ARPP21: variants seen among roughly 807,000 people sequenced by gnomAD.
ARPP21 encodes cAMP regulated phosphoprotein 21.
A neutral mutation model predicts 113.2 loss-of-function variants in ARPP21; 69 were observed. The observed-to-expected ratio is 0.61, with a 90% CI of 0.50 to 0.74. The LOEUF is 0.74. ARPP21 is among the 30% of genes least tolerant of loss of function. ARPP21 has a pLI of 0.00. For missense variants in ARPP21, 1,070 were observed against 1,037.4 expected (o/e 1.03, Z -0.43); for synonymous variants, 368 against 375.5 (o/e 0.98, Z 0.23).
intron 19 of ARPP21, among the ~76,000 whole-genome samples, chr3:35,772,215 C>T (rs2096228075): frequency 6.6e-6 from 1 of 152,074 alleles, no homozygotes; most frequent in Non-Finnish European, 1.5e-5. Context: ...ATCAGTTATT[C>T]TTGGAAATGA....
chr3:35,653,656 T>C (rs1703478771), intron 1 of ARPP21, among the ~76,000 whole-genome samples: 1 of 152,092 alleles, frequency 6.6e-6, no homozygotes, highest in Admixed American at 6.6e-5. Context: ...CTCTGCCTCT[T>C]ACTCACCTAG....
rs775254826 is a variant in ARPP21 at position 35,739,582 on chromosome 3, G to A, written c.2010+5G>A. 1 of 1,605,174 alleles carries A rather than the reference G, an allele frequency of 6.2e-7. No homozygotes were observed. Among genetic ancestry groups the A allele is most frequent in the Non-Finnish European group, 8.5e-7 (1 of 1,174,668 alleles). On this transcript the variant is annotated splice_donor_5th_base_variant and intron_variant, in intron 18 of 20. Coordinates refer to ENST00000684406, the MANE Select transcript of ARPP21 (RefSeq NM_001385562.1). ...CAACAGCCTCCGCCTGCACAGGTAG[G>A]TGTGCTTCCTCATGCCTGTGACCTA...
In ARPP21 at chr3:35,794,052, C is replaced by A; in HGVS notation, c.*94C>A. The A allele has an allele frequency of 2.9e-6, 3 of 1,038,842 alleles. No homozygotes were observed. Among genetic ancestry groups the A allele is most frequent in the South Asian group, 3.0e-5 (2 of 66,100 alleles). 64.4% of individuals were successfully genotyped at this position (1,038,842 alleles called of 1,614,324 possible). ...AAAACTGGCTGAGGACTTAAGTATT[C>A]ACTCAACACTCAAATGATTGCTGCT... On this transcript the variant is annotated 3_prime_UTR_variant, in exon 21 of 21. Transcript: ENST00000684406.
chr3:35,686,244 G>A (rs1053363549), intron 5 of ARPP21, among the ~76,000 whole-genome samples: 2 of 151,590 alleles, frequency 1.3e-5, no homozygotes, highest in East Asian at 3.9e-4. Flanking sequence ...GCAAGTAGAA[G>A]CAAATCCTAT....
At chr3:35,785,752 A>T (rs2096619238) in intron 19 of ARPP21, among the ~76,000 whole-genome samples, 1 of 152,200 alleles carries the variant, frequency 6.6e-6, no homozygotes, top group Non-Finnish European at 1.5e-5. Context: ...AGTACGAAGA[A>T]AAACTACTGC....
intron 19 of ARPP21, among the ~76,000 whole-genome samples, chr3:35,756,549 T>G (rs1175249302): frequency 6.6e-6 from 1 of 152,062 alleles, no homozygotes; most frequent in Non-Finnish European, 1.5e-5. Flanking sequence ...GTGATAGTTT[T>G]GATGGCTCTT....
intron 8 of ARPP21, 49 bp downstream of exon 8, chr3:35,690,189 G>A: frequency 2.3e-6 from 2 of 881,944 alleles, no homozygotes; most frequent in Non-Finnish European, 3.9e-6. Flanking sequence ...TCCTAGTTTG[G>A]TATTGGAGTT....
At chr3:35,710,500 T>G (rs975858093) in intron 11 of ARPP21, among the ~76,000 whole-genome samples, 1 of 151,252 alleles carries the variant, frequency 6.6e-6, no homozygotes, top group Admixed American at 6.6e-5. Flanking sequence ...GTTAATTCAT[T>G]TTTTGTTCTT....
chr3:35,671,760 C>A (rs1224603052), intron 1 of ARPP21, among the ~76,000 whole-genome samples: 1 of 151,548 alleles, frequency 6.6e-6, no homozygotes, highest in Non-Finnish European at 1.5e-5. Flanking sequence ...TGAAAGAAGT[C>A]AAGTGTGGAA....
At chr3:35,682,976 T>G (rs2079416682) in intron 4 of ARPP21, 87 bp downstream of exon 4, 1 of 1,294,092 alleles carries the variant, frequency 7.7e-7, no homozygotes, top group Admixed American at 2.1e-5. Context: ...TGCCAGCATT[T>G]CAGATGATTG....
chr3:35,670,735 G>C (rs943748216), intron 1 of ARPP21, among the ~76,000 whole-genome samples: 3 of 152,084 alleles, frequency 2.0e-5, no homozygotes, highest in Admixed American at 6.6e-5. Flanking sequence ...TGAAAAAAAA[G>C]AAAAACACGC....
At chr3:35,712,405 A>G (rs1262373846) in intron 11 of ARPP21, among the ~76,000 whole-genome samples, 2 of 152,182 alleles carry the variant, frequency 1.3e-5, no homozygotes, top group Non-Finnish European at 2.9e-5. Context: ...GTAAAAGTAG[A>G]AAGTTCAGAA....
intron 19 of ARPP21, among the ~76,000 whole-genome samples, chr3:35,775,985 G>A (rs1477433597): frequency 6.6e-6 from 1 of 151,774 alleles, no homozygotes; most frequent in African/African-American, 2.4e-5. Flanking sequence ...TGTCTATTTT[G>A]GTACTTTAAC....
intron 19 of ARPP21, chr3:35,784,994 A>T (rs1324240609): frequency 6.6e-6 from 1 of 152,110 alleles, no homozygotes; most frequent in Admixed American, 6.6e-5. Context: ...TGACCCCATG[A>T]CTTTTGACTT....
chr3:35,793,769 C>T lies in ARPP21; in HGVS notation c.2355C>T (p.Asn785=), dbSNP rs950960013. 2 of 1,613,332 alleles carry T rather than the reference C, an allele frequency of 1.2e-6. No homozygotes were observed. Among genetic ancestry groups the T allele is most frequent in the Non-Finnish European group, 1.7e-6 (2 of 1,179,392 alleles). Reference sequence around the variant, plus strand: ...ACCAACAGCCAATCATGCTACCTAACCAGGCAGGTCAAGGGTCACTCCCAG... The same window carrying T: ...ACCAACAGCCAATCATGCTACCTAATCAGGCAGGTCAAGGGTCACTCCCAG... ...QSYQQPIMLP[N]QAGQGSLPAT... Residue 785 remains asparagine, a synonymous_variant, in exon 21 of 21, where the codon AAC becomes AAT. Transcript: ENST00000684406.
chr3:35,729,949 C>A (rs2093829056), intron 15 of ARPP21, among the ~76,000 whole-genome samples: 1 of 152,168 alleles, frequency 6.6e-6, no homozygotes, highest in Admixed American at 6.5e-5. Flanking sequence ...ATCCAAGGAT[C>A]TTTCTGGAAT....
intron 1 of ARPP21, chr3:35,640,949 G>A (rs1697858800): frequency 6.6e-6 from 1 of 152,164 alleles, no homozygotes; most frequent in South Asian, 2.1e-4. Context: ...CTTAGGAATA[G>A]GAATTAACTC....
At chr3:35,707,987 A>C (rs1045745881) in intron 10 of ARPP21, among the ~76,000 whole-genome samples, 1 of 152,124 alleles carries the variant, frequency 6.6e-6, no homozygotes, top group African/African-American at 2.4e-5. Flanking sequence ...AGAATTCTTA[A>C]AGGTAAGACA....
At chr3:35,701,293 A>T (rs952269485) in intron 9 of ARPP21, among the ~76,000 whole-genome samples, 1 of 151,808 alleles carries the variant, frequency 6.6e-6, no homozygotes, top group African/African-American at 2.4e-5. Flanking sequence ...GATAATTCAT[A>T]TAAGATCATC....
Sources: allele counts gnomAD v4.1 joint callset (sites outside exome capture counted in the v4.1 genomes callset), GRCh38; gene constraint gnomAD v4.1.1; transcripts MANE v1.5; gene names NCBI Gene and HGNC (gene_info 2026-07-23, HGNC 2026-07-21).